NPAS3: variants seen among roughly 807,000 people sequenced by gnomAD.
NPAS3 encodes the protein neuronal PAS domain protein 3.
A neutral mutation model predicts 73.1 loss-of-function variants in NPAS3; 14 were observed. The ratio of observed to expected loss-of-function variants is 0.19; its 90% CI spans 0.13 to 0.30. The LOEUF is 0.30. NPAS3 is among the 10% of genes least tolerant of loss of function. The pLI, the probability that NPAS3 is intolerant of heterozygous loss-of-function variation, is 1.00. For missense variants in NPAS3, 1,096 were observed against 1,250.0 expected, an observed-to-expected ratio of 0.88 and a Z score of 1.86; for synonymous variants, 620 against 541.5, an observed-to-expected ratio of 1.14 and a Z score of -2.01.
intron 1 of NPAS3, among the ~76,000 whole-genome samples, chr14:33,031,373 C>A (rs1363143368): frequency 6.6e-6 from 1 of 152,162 alleles, no homozygotes; most frequent in Non-Finnish European, 1.5e-5. Flanking sequence ...TAAGTGGATG[C>A]CAATGTCATA....
At chr14:33,581,760 G>C (rs1324063562) in intron 5 of NPAS3, among the ~76,000 whole-genome samples, 1 of 152,134 alleles carries the variant, frequency 6.6e-6, no homozygotes, top group Non-Finnish European at 1.5e-5. Context: ...TTTTAGTAGA[G>C]ATGGGATTCC....
chr14:33,164,854 T>TC (rs2045062218), intron 2 of NPAS3, among the ~76,000 whole-genome samples: 1 of 150,046 alleles, frequency 6.7e-6, no homozygotes, highest in African/African-American at 2.5e-5. Flanking sequence ...TTTTTTTTTT[T>TC]CCTGTCAATT....
chr14:33,742,966 A>G (rs2061691178), intron 7 of NPAS3, among the ~76,000 whole-genome samples: 1 of 151,712 alleles, frequency 6.6e-6, no homozygotes, highest in South Asian at 2.1e-4. Context: ...CACATCCTCA[A>G]GCTCTACTTC....
intron 3 of NPAS3, among the ~76,000 whole-genome samples, chr14:33,290,268 C>T (rs1397769383): frequency 6.6e-6 from 1 of 152,064 alleles, no homozygotes; most frequent in Admixed American, 6.6e-5. Context: ...GAGATATGAG[C>T]ATGCTTTTCA....
At chr14:33,676,291 G>C (rs1200695660) in exon 6 of NPAS3, 1 of 1,613,400 alleles carries the variant, frequency 6.2e-7, no homozygotes, top group Non-Finnish European at 8.5e-7. Flanking sequence ...TGGGCATGAA[G>C]CTCCCCCCTG....
At chr14:33,493,367 G>C (rs1445382800) in intron 4 of NPAS3, among the ~76,000 whole-genome samples, 1 of 151,212 alleles carries the variant, frequency 6.6e-6, no homozygotes, top group African/African-American at 2.4e-5. Context: ...TCTTGCCAGA[G>C]GGAAGAAATT....
At chr14:33,394,208 A>C (rs2138650422) in intron 4 of NPAS3, among the ~76,000 whole-genome samples, 1 of 152,296 alleles carries the variant, frequency 6.6e-6, no homozygotes, top group Middle Eastern at 3.4e-3. Flanking sequence ...GTGATGCTGA[A>C]GAGATGCTGA....
At chr14:33,370,426 G>C (rs193274095) in intron 4 of NPAS3, among the ~76,000 whole-genome samples, 3 of 152,280 alleles carry the variant, frequency 2.0e-5, no homozygotes, top group African/African-American at 7.2e-5. Flanking sequence ...CTTGGGGACT[G>C]TTTAGATGTT....
rs142878409 is a variant in NPAS3, at chr14:33,498,192, A to G, written c.469-61929A>G. On this transcript the variant is annotated intron_variant, in intron 4 of 11. Transcript: ENST00000356141. ...GTGATCATTAAAAAGTCAGCAGACA[A>G]CAGATGCTGGAGAGGATGTGGAGAA... Among the ~76,000 whole-genome samples the G allele has an allele frequency of 1.2e-4, 19 of 152,296 alleles. No individual in the cohort carries two copies. In the East Asian group the frequency reaches 3.3e-3, roughly 26 times the overall value.
At chr14:33,164,839 C>CTT (rs202227911) in intron 2 of NPAS3, among the ~76,000 whole-genome samples, 5,952 of 141,854 alleles carry the variant, frequency 0.042, 167 homozygotes, top group Non-Finnish European at 0.066. Flanking sequence ...ACAGGTGACT[C>CTT]TTTTTTTTTT....
intron 3 of NPAS3, among the ~76,000 whole-genome samples, chr14:33,224,069 TA>T (rs1387615971): frequency 6.6e-6 from 1 of 152,200 alleles, no homozygotes; most frequent in Non-Finnish European, 1.5e-5. Flanking sequence ...CAACTTATTT[TA>T]AAAAGTCTAC....
intron 1 of NPAS3, among the ~76,000 whole-genome samples, chr14:32,983,397 C>T (rs1595150083): frequency 1.3e-5 from 2 of 152,254 alleles, no homozygotes; most frequent in African/African-American, 4.8e-5. Context: ...AACCTGTTTA[C>T]ATTCCCACTA....
At chr14:33,505,538 T>G (rs1176879655) in intron 4 of NPAS3, among the ~76,000 whole-genome samples, 1 of 152,048 alleles carries the variant, frequency 6.6e-6, no homozygotes, top group Admixed American at 6.6e-5. Context: ...GGAGCCCATC[T>G]GCACTCCCTT....
chr14:33,623,665 A>C (rs2058143300), intron 5 of NPAS3, among the ~76,000 whole-genome samples: 1 of 152,172 alleles, frequency 6.6e-6, no homozygotes, highest in Admixed American at 6.5e-5. Context: ...GAAAAAGCCA[A>C]AATTGCTATA....
chr14:33,751,748 G>A (rs2140765788), intron 7 of NPAS3, among the ~76,000 whole-genome samples: 1 of 152,090 alleles, frequency 6.6e-6, no homozygotes, highest in South Asian at 2.1e-4. Context: ...TTCTGATTTT[G>A]GTTGACTATT....
chr14:33,381,720 C>A (rs185044131), intron 4 of NPAS3, among the ~76,000 whole-genome samples: 3 of 152,300 alleles, frequency 2.0e-5, no homozygotes, highest in Admixed American at 2.0e-4. Context: ...AAGTGACATA[C>A]TTTAAGCTGT....
In NPAS3 at chr14:33,311,815, A is replaced by G. The variant is rs147924733; in HGVS notation, c.386-55371A>G. Among the ~76,000 whole-genome samples, 135 of 152,272 alleles carry G rather than the reference A, an allele frequency of 8.9e-4. 1 individual carries two copies. The highest frequency in any genetic ancestry group is 1.3e-3 in the Non-Finnish European group (91 of 68,008). ...AGGTGTAACTTGGCCTGAGAATGAC[A>G]GGAAAGACTGCACAACCAAAGTAAT... is the stretch of plus-strand genomic sequence containing the variant. On this transcript the variant is annotated intron_variant, in intron 3 of 11. Transcript: ENST00000356141.
chr14:33,196,567 A>G (rs1301532031), intron 2 of NPAS3, among the ~76,000 whole-genome samples: 1 of 152,214 alleles, frequency 6.6e-6, no homozygotes, highest in Non-Finnish European at 1.5e-5. Context: ...CAGCGGGATA[A>G]GACCCTCCTC....
At chr14:33,496,624 G>A (rs1039609116) in intron 4 of NPAS3, among the ~76,000 whole-genome samples, 9 of 152,118 alleles carry the variant, frequency 5.9e-5, no homozygotes, top group Admixed American at 4.6e-4. Flanking sequence ...AATAGATGCA[G>A]AAAAGGCCTT....
Sources: allele counts gnomAD v4.1 joint callset (sites outside exome capture counted in the v4.1 genomes callset), GRCh38; gene constraint gnomAD v4.1.1; transcripts MANE v1.5; gene names NCBI Gene and HGNC (gene_info 2026-07-23, HGNC 2026-07-21).